Variants in GDAP1 observed in about 807,000 individuals in gnomAD.
GDAP1 encodes ganglioside induced differentiation associated protein 1, also known as ganglioside-induced differentiation-associated protein 1.
GDAP1 carries 34 observed loss-of-function variants against 40.1 expected under a neutral mutation model. The ratio of observed to expected loss-of-function variants is 0.85; its 90% CI spans 0.64 to 1.13. The LOEUF is 1.13. Ranked by LOEUF, GDAP1 falls within the 50% of genes most tolerant of loss-of-function variation. GDAP1 has a pLI of 0.00. For synonymous variants in GDAP1, 170 were observed against 157.4 expected (o/e 1.08, Z -0.60); for missense variants, 374 against 433.7 (o/e 0.86, Z 1.22).
At chr8:74,468,736 T>A (rs1018674497) in intron 2 of GDAP1, among the ~76,000 whole-genome samples, 1 of 152,200 alleles carries the variant, frequency 6.6e-6, no homozygotes, top group African/African-American at 2.4e-5. Flanking sequence ...TGCAATAATA[T>A]CATCTGCAAA....
At chr8:74,392,103 G>A (rs1810119517) in intron 2 of GDAP1, among the ~76,000 whole-genome samples, 1 of 152,150 alleles carries the variant, frequency 6.6e-6, no homozygotes, top group Admixed American at 6.5e-5. Context: ...ACAGGTGTGA[G>A]CCATCATGCC....
intron 2 of GDAP1, among the ~76,000 whole-genome samples, chr8:74,392,919 A>G (rs1008469132): frequency 2.0e-5 from 3 of 152,256 alleles, no homozygotes; most frequent in Admixed American, 1.3e-4. Context: ...AGAAAAATCT[A>G]CAGGGTCAAG....
chr8:74,399,385 C>T (rs1210802541), intron 2 of GDAP1, among the ~76,000 whole-genome samples: 6 of 149,634 alleles, frequency 4.0e-5, no homozygotes, highest in South Asian at 2.1e-4. Context: ...TCTGTGGGAT[C>T]GGTGGTGATA....
intron 2 of GDAP1, among the ~76,000 whole-genome samples, chr8:74,425,104 G>A (rs954424118): frequency 4.6e-5 from 7 of 152,136 alleles, no homozygotes; most frequent in African/African-American, 1.7e-4. Context: ...CACACATTTG[G>A]TTTGGGTCCT....
At chr8:74,400,818 G>A (rs1810317126) in intron 2 of GDAP1, among the ~76,000 whole-genome samples, 1 of 149,152 alleles carries the variant, frequency 6.7e-6, no homozygotes, top group Non-Finnish European at 1.5e-5. Context: ...ATGAAGCTTA[G>A]TTTGGCTGGA....
At chr8:74,439,856 C>T (rs1806139592) in intron 2 of GDAP1, among the ~76,000 whole-genome samples, 1 of 151,858 alleles carries the variant, frequency 6.6e-6, no homozygotes, top group African/African-American at 2.4e-5. Flanking sequence ...TTAACAAGCT[C>T]TCTAATGCTT....
intron 2 of GDAP1, among the ~76,000 whole-genome samples, chr8:74,441,212 A>C (rs1806158410): frequency 6.6e-6 from 1 of 152,144 alleles, no homozygotes; most frequent in African/African-American, 2.4e-5. Context: ...GTGATTTAAA[A>C]ACAACGAAAG....
intron 2 of GDAP1, among the ~76,000 whole-genome samples, chr8:74,405,952 A>G (rs1464410713): frequency 6.7e-6 from 1 of 150,136 alleles, no homozygotes; most frequent in Non-Finnish European, 1.5e-5. Flanking sequence ...ATCCGATGAG[A>G]CATTCTGAAT....
At chr8:74,354,572 A>G (rs2131501904) in intron 2 of GDAP1, among the ~76,000 whole-genome samples, 1 of 152,374 alleles carries the variant, frequency 6.6e-6, no homozygotes, top group East Asian at 1.9e-4. Flanking sequence ...AAGTTTAACA[A>G]GGCTAAATGT....
intron 2 of GDAP1, among the ~76,000 whole-genome samples, chr8:74,430,008 A>G (rs1185101483): frequency 6.6e-6 from 1 of 152,190 alleles, no homozygotes; most frequent in East Asian, 1.9e-4. Context: ...GAGCAACCAC[A>G]TAGAAAGATG....
intron 2 of GDAP1, among the ~76,000 whole-genome samples, chr8:74,470,272 C>T (rs1175549770): frequency 6.6e-6 from 1 of 152,094 alleles, no homozygotes; most frequent in Non-Finnish European, 1.5e-5. Context: ...ATTTATTATA[C>T]TCTAAGTTTT....
chr8:74,416,995 C>T (rs1319337065), intron 2 of GDAP1, among the ~76,000 whole-genome samples: 2 of 145,886 alleles, frequency 1.4e-5, no homozygotes, highest in Non-Finnish European at 3.0e-5. Flanking sequence ...GGCAGCTCTA[C>T]CCCAATAGTC....
At chr8:74,406,757 C>A (rs1024387509) in intron 2 of GDAP1, among the ~76,000 whole-genome samples, 2 of 149,814 alleles carry the variant, frequency 1.3e-5, no homozygotes, top group Admixed American at 6.6e-5. Flanking sequence ...TTACATCTAC[C>A]ATGGATTTCC....
intron 2 of GDAP1, among the ~76,000 whole-genome samples, chr8:74,357,778 C>T (rs939208404): frequency 6.6e-6 from 1 of 152,146 alleles, no homozygotes; most frequent in Non-Finnish European, 1.5e-5. Flanking sequence ...TCCTGCCCCG[C>T]TATGCCTTAT....
chr8:74,475,249 T>C (rs1806614389), intron 2 of GDAP1, among the ~76,000 whole-genome samples: 1 of 152,130 alleles, frequency 6.6e-6, no homozygotes, highest in Admixed American at 6.6e-5. Flanking sequence ...GCTTTGTTGA[T>C]CTTTTGAATG....
chr8:74,364,725 C>T lies in GDAP1; in HGVS notation c.*358C>T. Reference sequence around the variant, plus strand: ...TTTAGTTACTTGTGGCTACTGCCCACACATACACTTCTGTAATTGAGAACT... The same window carrying T: ...TTTAGTTACTTGTGGCTACTGCCCATACATACACTTCTGTAATTGAGAACT... On this transcript the variant is annotated 3_prime_UTR_variant, in exon 6 of 6. Coordinates refer to ENST00000220822, the MANE Select transcript of GDAP1 (RefSeq NM_018972.4). 1 of 466,808 alleles carries T rather than the reference C, an allele frequency of 2.1e-6. No individual in the cohort carries two copies. Among genetic ancestry groups the T allele is most frequent in the Non-Finnish European group, 4.2e-6 (1 of 235,678 alleles). 28.9% of individuals were successfully genotyped at this position (466,808 alleles called of 1,614,324 possible).
intron 2 of GDAP1, among the ~76,000 whole-genome samples, chr8:74,486,232 T>C (rs997661529): frequency 6.6e-6 from 1 of 152,212 alleles, no homozygotes; most frequent in Admixed American, 6.5e-5. Context: ...GAGTTACTAT[T>C]ATTCGTTTTT....
At chr8:74,377,309 A>G (rs1166936817) in intron 2 of GDAP1, among the ~76,000 whole-genome samples, 1 of 152,218 alleles carries the variant, frequency 6.6e-6, no homozygotes, top group African/African-American at 2.4e-5. Context: ...CAAAGGATGT[A>G]TAGTCGAAAT....
chr8:74,485,602 T>C (rs1806766424), intron 2 of GDAP1, among the ~76,000 whole-genome samples: 1 of 152,090 alleles, frequency 6.6e-6, no homozygotes, highest in Non-Finnish European at 1.5e-5. Context: ...TATGTTATTA[T>C]TCGGGAGAGA....
Sources: allele counts gnomAD v4.1 joint callset (sites outside exome capture counted in the v4.1 genomes callset), GRCh38; gene constraint gnomAD v4.1.1; transcripts MANE v1.5; gene names NCBI Gene and HGNC (gene_info 2026-07-23, HGNC 2026-07-21).